Variants in KLHL4 observed in about 807,000 individuals in gnomAD.
KLHL4 encodes the protein kelch like family member 4.
KLHL4 carries 17 observed loss-of-function variants against 45.8 expected under a neutral mutation model. The observed-to-expected ratio is 0.37, with a 90% confidence interval of 0.25 to 0.56. The LOEUF (loss-of-function observed/expected upper bound fraction) is 0.56. KLHL4 is among the 20% of genes least tolerant of loss of function. The pLI is 0.79. For missense variants in KLHL4, 544 were observed against 544.9 expected (o/e 1.00, Z 0.02); for synonymous variants, 224 against 189.9 (o/e 1.18, Z -1.47).
intron 6 of KLHL4, among the ~76,000 whole-genome samples, chrX:87,628,339 T>TC (rs113277337): frequency 0.36 from 39,074 of 108,306 alleles, 5,685 homozygotes; most frequent in Middle Eastern, 0.46. Flanking sequence ...AACAAAACTC[T>TC]TTGGGGTTTT....
intron 1 of KLHL4, among the ~76,000 whole-genome samples, chrX:87,574,796 T>G (rs1253380745): frequency 8.9e-6 from 1 of 111,855 alleles, no homozygotes; most frequent in Non-Finnish European, 1.9e-5. Flanking sequence ...ATTTATTAAC[T>G]TATTAACTTA....
chrX:87,596,284 A>G (rs1214328102), intron 1 of KLHL4, among the ~76,000 whole-genome samples: 1 of 112,424 alleles, frequency 8.9e-6, no homozygotes, highest in African/African-American at 3.2e-5. Context: ...ATGGACTAAT[A>G]GAACATGCAA....
chrX:87,652,045 G>C (rs532617456), intron 9 of KLHL4, among the ~76,000 whole-genome samples: 1 of 112,669 alleles, frequency 8.9e-6, no homozygotes, highest in Middle Eastern at 4.6e-3. Context: ...ATGTGCACTT[G>C]CAGGCTCAAC....
intron 1 of KLHL4, among the ~76,000 whole-genome samples, chrX:87,551,616 G>A: frequency 1.4e-5 from 1 of 71,971 alleles, no homozygotes; most frequent in East Asian, 7.5e-4. Flanking sequence ...GATAGAAATA[G>A]AAATCTTGTG....
intron 9 of KLHL4, among the ~76,000 whole-genome samples, chrX:87,662,311 T>A (rs1455175589): frequency 8.9e-6 from 1 of 111,749 alleles, no homozygotes; most frequent in African/African-American, 3.2e-5. Flanking sequence ...AAAATGAACA[T>A]GTGTTAAACA....
At chrX:87,587,547 A>G (rs1056465341) in intron 1 of KLHL4, among the ~76,000 whole-genome samples, 1 of 111,700 alleles carries the variant, frequency 9.0e-6, no homozygotes, top group Non-Finnish European at 1.9e-5. Flanking sequence ...AATAAAATCC[A>G]TATGATCATT....
intron 1 of KLHL4, among the ~76,000 whole-genome samples, chrX:87,558,933 C>T (rs1194096188): frequency 1.8e-5 from 2 of 111,784 alleles, no homozygotes; most frequent in Non-Finnish European, 3.8e-5. Flanking sequence ...GTAATAAAAA[C>T]TTTAAAGTCT....
chrX:87,528,027 T>C (rs1191716718), intron 1 of KLHL4, among the ~76,000 whole-genome samples: 1 of 110,701 alleles, frequency 9.0e-6, no homozygotes, highest in Non-Finnish European at 1.9e-5. Flanking sequence ...ATCCAAAGCC[T>C]AGAAAGAATA....
chrX:87,599,642 A>G (rs1447196829), intron 1 of KLHL4, among the ~76,000 whole-genome samples: 1 of 97,623 alleles, frequency 1.0e-5, no homozygotes, highest in Non-Finnish European at 2.0e-5. Context: ...AATAGGTAGC[A>G]AAAAAAAAAA....
intron 10 of KLHL4, 87 bp downstream of exon 10, chrX:87,665,022 C>T (rs1924321418): frequency 1.8e-6 from 1 of 546,665 alleles, no homozygotes; most frequent in African/African-American, 2.3e-5. Flanking sequence ...GTTGTATTCT[C>T]TTCTCTAGGC....
Position 87,668,340 on chromosome X carries a change from G to A in KLHL4, c.*1806G>A. On this transcript the variant is annotated 3_prime_UTR_variant, in exon 11 of 11. Transcript: ENST00000373119. ...CAGTAACAACGAGGTGCTACCAATA[G>A]GCAGACTGTGTCTAGAGTCATGCAT... is the stretch of plus-strand genomic sequence containing the variant. 1 of 754,125 alleles carries A rather than the reference G, an allele frequency of 1.3e-6. No homozygotes were observed. The highest frequency in any genetic ancestry group is 1.6e-6 in the Non-Finnish European group (1 of 639,086). The allele number at this position is 754,125 out of a possible 1,213,427, so 62.1% of individuals were successfully genotyped here.
At chrX:87,554,074 T>C (rs1931902258) in intron 1 of KLHL4, among the ~76,000 whole-genome samples, 1 of 99,730 alleles carries the variant, frequency 1.0e-5, no homozygotes, top group African/African-American at 3.7e-5. Flanking sequence ...TCCATTGATC[T>C]ATATCTCTGT....
At chrX:87,604,663 A>G (rs1170439142) in intron 1 of KLHL4, among the ~76,000 whole-genome samples, 1 of 111,329 alleles carries the variant, frequency 9.0e-6, no homozygotes, top group Non-Finnish European at 1.9e-5. Flanking sequence ...TATTCTAGGT[A>G]TTAACCCCTT....
intron 6 of KLHL4, among the ~76,000 whole-genome samples, chrX:87,627,866 A>G (rs1301078123): frequency 4.5e-5 from 5 of 110,913 alleles, no homozygotes; most frequent in Non-Finnish European, 9.5e-5. Flanking sequence ...TATTTTTGGC[A>G]TTTTTTTCGG....
chrX:87,636,945 C>T (rs1212091097), intron 9 of KLHL4, among the ~76,000 whole-genome samples: 1 of 111,231 alleles, frequency 9.0e-6, no homozygotes, highest in Non-Finnish European at 1.9e-5. Context: ...ATGGCCCTGC[C>T]CACTGCCTAA....
At chrX:87,577,620 G>A (rs1921140252) in intron 1 of KLHL4, among the ~76,000 whole-genome samples, 1 of 111,411 alleles carries the variant, frequency 9.0e-6, no homozygotes, top group Non-Finnish European at 1.9e-5. Context: ...TTTTCATATT[G>A]AAAATCAGAT....
At chrX:87,648,442 T>C (rs1047506346) in intron 9 of KLHL4, among the ~76,000 whole-genome samples, 3 of 111,374 alleles carry the variant, frequency 2.7e-5, no homozygotes, top group African/African-American at 9.8e-5. Context: ...CTCAGTTCAG[T>C]TGGAAGTGCA....
intron 1 of KLHL4, among the ~76,000 whole-genome samples, chrX:87,540,837 A>G (rs1459328808): frequency 8.9e-6 from 1 of 112,139 alleles, no homozygotes; most frequent in Non-Finnish European, 1.9e-5. Context: ...AACTAATTGT[A>G]TGTGCTATAC....
intron 1 of KLHL4, among the ~76,000 whole-genome samples, chrX:87,571,011 C>T (rs961624813): frequency 1.8e-5 from 2 of 110,544 alleles, no homozygotes; most frequent in South Asian, 3.7e-4. Context: ...ATTTCAGTAA[C>T]GTAATTCTTA....
Sources: gnomAD v4.1 joint callset for allele counts (sites outside exome capture counted in the v4.1 genomes callset) on GRCh38, gnomAD v4.1.1 for gene constraint, MANE v1.5 for transcripts, NCBI Gene and HGNC (gene_info 2026-07-23, HGNC 2026-07-21) for gene names.